ARMH4: variants seen among roughly 807,000 people sequenced by gnomAD.
ARMH4 encodes armadillo like helical domain containing 4.
Under a neutral mutation model 61.9 loss-of-function variants are expected in ARMH4, and 49 were observed. That is an observed-to-expected ratio of 0.79 (90% confidence interval 0.63 to 1.00). ARMH4 has a LOEUF of 1.00. ARMH4 is among the 50% of genes least tolerant of loss of function. The probability of loss-of-function intolerance (pLI) is 0.00; values close to 1 mark genes in which losing one functional copy is unlikely to be tolerated. For missense variants in ARMH4, 934 were observed against 930.0 expected (o/e 1.00, Z -0.06); for synonymous variants, 368 against 341.5 (o/e 1.08, Z -0.85).
chr14:58,137,940 G>T, intron 2 of ARMH4, 50 bp downstream of exon 2: 1 of 1,524,756 alleles, frequency 6.6e-7, no homozygotes, highest in Non-Finnish European at 8.8e-7. Flanking sequence ...AAAAAAAATT[G>T]AAAGTTTCCA....
chr14:58,141,109 T>C (rs780173195), intron 1 of ARMH4, among the ~76,000 whole-genome samples: 2 of 152,176 alleles, frequency 1.3e-5, no homozygotes, highest in African/African-American at 4.8e-5. Context: ...TACTTTGTTA[T>C]AGCAGCCCAA....
intron 5 of ARMH4, among the ~76,000 whole-genome samples, chr14:58,020,130 A>C (rs1443628581): frequency 6.6e-6 from 1 of 152,212 alleles, no homozygotes. Context: ...AATGAAGCTC[A>C]AGTAGTGCTC....
Position 58,143,118 on chromosome 14 carries a change from T to C in ARMH4, c.-56-3704A>G, listed in dbSNP as rs1887619733. The stretch of plus-strand genomic sequence containing the variant: ...AAGTTACTCCCAAATTCATGATGCA[T>C]AGAACTGGTATAAAATAACAAATAT... On this transcript the variant is annotated intron_variant, in intron 1 of 7. Coordinates refer to ENST00000267485, the MANE Select transcript of ARMH4 (RefSeq NM_001001872.4). 2.0e-5 allele frequency among the ~76,000 whole-genome samples: 3 copies of C among 152,170 alleles called. No homozygotes were observed. The South Asian group carries it at 6.2e-4, about 32-fold the overall frequency.
Position 58,004,595 on chromosome 14 carries a change from C to CT in ARMH4, c.*140dup, listed in dbSNP as rs1882089956. 3.0e-6 allele frequency: 2 copies of CT among 676,552 alleles called. No individual in the cohort carries two copies. The highest frequency in any genetic ancestry group is 4.0e-5 in the South Asian group (2 of 50,562). 41.9% of individuals were successfully genotyped at this position (676,552 alleles called of 1,614,324 possible). A position where few individuals can be genotyped will look rare whatever the true frequency, so the allele number is the denominator to read the frequency against. ...CATTTCTGCTCAGTACAAGAAAAATCTACTACCCAGCACCCAGCAGACACT... is the reference window on the plus strand; with the variant it reads ...CATTTCTGCTCAGTACAAGAAAAATCTTACTACCCAGCACCCAGCAGACACT... On this transcript the variant is annotated 3_prime_UTR_variant, in exon 8 of 8. Coordinates refer to ENST00000267485, the MANE Select transcript of ARMH4 (RefSeq NM_001001872.4).
intron 4 of ARMH4, among the ~76,000 whole-genome samples, chr14:58,099,170 A>T (rs950669406): frequency 7.9e-5 from 12 of 152,198 alleles, no homozygotes; most frequent in African/African-American, 2.9e-4. Context: ...GGAATGTTGG[A>T]AGTCTAGGGA....
At chr14:58,114,780 T>C (rs988599704) in intron 4 of ARMH4, among the ~76,000 whole-genome samples, 1 of 152,046 alleles carries the variant, frequency 6.6e-6, no homozygotes, top group Non-Finnish European at 1.5e-5. Context: ...AACCAAGAAA[T>C]AAAGCTGCAC....
intron 5 of ARMH4, among the ~76,000 whole-genome samples, chr14:58,036,805 C>T (rs1332648769): frequency 8.1e-6 from 1 of 123,338 alleles, no homozygotes; most frequent in Non-Finnish European, 1.8e-5. Context: ...TTCACAATTG[C>T]TTCAAAGAGA....
At chr14:58,010,848 T>G (rs1315904250) in intron 6 of ARMH4, among the ~76,000 whole-genome samples, 1 of 145,394 alleles carries the variant, frequency 6.9e-6, no homozygotes. Flanking sequence ...TTTTTTTTTT[T>G]GGTCCCTTTC....
At chr14:58,134,436 T>C (rs1363511962) in intron 2 of ARMH4, among the ~76,000 whole-genome samples, 1 of 152,236 alleles carries the variant, frequency 6.6e-6, no homozygotes, top group Admixed American at 6.5e-5. Context: ...ATAAATGTTT[T>C]GCCTTCAACA....
chr14:58,078,893 A>G (rs1052365749), intron 5 of ARMH4, among the ~76,000 whole-genome samples: 1 of 152,250 alleles, frequency 6.6e-6, no homozygotes. Context: ...AAACATAGGC[A>G]TATGATACAA....
At chr14:58,143,051 A>C (rs1378343856) in intron 1 of ARMH4, among the ~76,000 whole-genome samples, 1 of 152,196 alleles carries the variant, frequency 6.6e-6, no homozygotes, top group Non-Finnish European at 1.5e-5. Flanking sequence ...TGACATCTTG[A>C]CTACACCTTC....
chr14:58,062,520 C>T (rs1198809833), intron 5 of ARMH4, among the ~76,000 whole-genome samples: 1 of 152,154 alleles, frequency 6.6e-6, no homozygotes, highest in Non-Finnish European at 1.5e-5. Context: ...CCAGCAGAGT[C>T]CAGAGCTGCA....
chr14:58,045,334 C>G (rs910668293), intron 5 of ARMH4, among the ~76,000 whole-genome samples: 8 of 152,062 alleles, frequency 5.3e-5, no homozygotes, highest in Admixed American at 5.2e-4. Flanking sequence ...AAGCTGGAAA[C>G]CATCATTCTC....
intron 5 of ARMH4, among the ~76,000 whole-genome samples, chr14:58,055,623 C>A (rs1306326144): frequency 6.6e-6 from 1 of 152,204 alleles, no homozygotes; most frequent in South Asian, 2.1e-4. Context: ...CCAGCAGCAT[C>A]AGGGAATCAT....
intron 5 of ARMH4, among the ~76,000 whole-genome samples, chr14:58,041,765 G>A (rs566977326): frequency 1.7e-4 from 26 of 151,488 alleles, no homozygotes; most frequent in Non-Finnish European, 3.2e-4. Flanking sequence ...CCAAGCAAAT[G>A]GAAAACAAAA....
chr14:58,030,172 G>A (rs1044040034), intron 5 of ARMH4, among the ~76,000 whole-genome samples: 2 of 152,160 alleles, frequency 1.3e-5, no homozygotes, highest in Non-Finnish European at 2.9e-5. Flanking sequence ...AGCTGGGTGG[G>A]TGCCATAGAG....
At chr14:58,072,877 A>T (rs774161549) in intron 5 of ARMH4, among the ~76,000 whole-genome samples, 1 of 152,192 alleles carries the variant, frequency 6.6e-6, no homozygotes, top group Admixed American at 6.5e-5. Flanking sequence ...CCCTGTCATC[A>T]TGCATAATGA....
rs1882002737 is a variant in ARMH4, at chr14:58,002,008, G to C, written c.*2728C>G. ...ACTGTTAAATGTTTTAAGCCTAGTTGTTTGAATAAAAAGTTGACTTTCTAT... is the reference window on the plus strand; with the variant it reads ...ACTGTTAAATGTTTTAAGCCTAGTTCTTTGAATAAAAAGTTGACTTTCTAT... On this transcript the variant is annotated 3_prime_UTR_variant, in exon 8 of 8. Transcript: ENST00000267485. The C allele has an allele frequency of 6.6e-6, 1 of 152,160 alleles. No homozygotes were observed. Among genetic ancestry groups the C allele is most frequent in the Admixed American group, 6.5e-5 (1 of 15,278 alleles). 9.4% of individuals were successfully genotyped at this position (152,160 alleles called of 1,614,324 possible).
chr14:58,108,063 T>G (rs570552639), intron 4 of ARMH4, among the ~76,000 whole-genome samples: 3 of 152,292 alleles, frequency 2.0e-5, no homozygotes, highest in African/African-American at 7.2e-5. Flanking sequence ...TTTTTTACCT[T>G]GGGCATCAAA....
Sources: gnomAD v4.1 joint callset for allele counts (sites outside exome capture counted in the v4.1 genomes callset) on GRCh38, gnomAD v4.1.1 for gene constraint, MANE v1.5 for transcripts, NCBI Gene and HGNC (gene_info 2026-07-23, HGNC 2026-07-21) for gene names.